Variants in WDR59 observed in about 807,000 individuals in gnomAD.
WDR59 encodes the protein GATOR2 complex protein WDR59.
A neutral mutation model predicts 131.2 loss-of-function variants in WDR59; 100 were observed. The observed-to-expected ratio is 0.76, with a 90% CI of 0.65 to 0.90. WDR59 has a LOEUF of 0.90. Ranked by LOEUF, WDR59 falls within the 40% of genes least tolerant of loss-of-function variation. The probability of loss-of-function intolerance (pLI) is 0.00; values close to 1 mark genes in which losing one functional copy is unlikely to be tolerated. For missense variants in WDR59, 1,203 were observed against 1,262.2 expected (o/e 0.95, Z 0.71); for synonymous variants, 601 against 466.2 (o/e 1.29, Z -3.72).
chr16:74,971,897 T>TG (rs1373722418), intron 1 of WDR59, among the ~76,000 whole-genome samples: 4 of 151,930 alleles, frequency 2.6e-5, no homozygotes, highest in Admixed American at 1.3e-4. Flanking sequence ...TGTGTAGAGA[T>TG]GGGGGGTCGC....
At chr16:74,924,040 T>C (rs370874562) in intron 8 of WDR59, 37 bp from the exon 9 acceptor site, 18 of 1,599,864 alleles carry the variant, frequency 1.1e-5, no homozygotes, top group Non-Finnish European at 1.5e-5. Context: ...GTGAAATAAA[T>C]GCCATTAAAA....
intron 8 of WDR59, among the ~76,000 whole-genome samples, chr16:74,934,012 G>A (rs1323651296): frequency 6.6e-6 from 1 of 152,048 alleles, no homozygotes; most frequent in African/African-American, 2.4e-5. Context: ...ATGGCCACAG[G>A]GTAAACTATA....
chr16:74,899,448 T>C (rs1408221861), intron 18 of WDR59, among the ~76,000 whole-genome samples: 1 of 152,202 alleles, frequency 6.6e-6, no homozygotes, highest in Non-Finnish European at 1.5e-5. Context: ...AAACCCAGCA[T>C]TAACTTTCCT....
At chr16:74,945,080 T>A (rs2032516548) in intron 6 of WDR59, among the ~76,000 whole-genome samples, 1 of 151,170 alleles carries the variant, frequency 6.6e-6, no homozygotes, top group South Asian at 2.1e-4. Context: ...GCCAAGATCG[T>A]GTCACCGCAC....
chr16:74,981,658 A>ATTTTTTTTTTTTTTTTT (rs2034430352), intron 1 of WDR59, among the ~76,000 whole-genome samples: 1 of 75,522 alleles, frequency 1.3e-5, no homozygotes, highest in African/African-American at 8.1e-5. Flanking sequence ...ATATATATAT[A>ATTTTTTTTTTTTTTTTT]TATTTTTTTT....
chr16:74,973,740 AAATT>A (rs1303100784), intron 1 of WDR59, among the ~76,000 whole-genome samples: 5 of 152,224 alleles, frequency 3.3e-5, no homozygotes, highest in Admixed American at 2.0e-4. Flanking sequence ...GTAAAATTAA[AAATT>A]AATTAATTCG....
At chr16:74,966,756 T>C (rs894192149) in intron 1 of WDR59, among the ~76,000 whole-genome samples, 1 of 152,176 alleles carries the variant, frequency 6.6e-6, no homozygotes, top group Non-Finnish European at 1.5e-5. Flanking sequence ...CCAGGTCACA[T>C]TCGCTCTGAA....
At chr16:74,965,952 C>G (rs1348323668) in intron 1 of WDR59, 130 bp from the exon 2 acceptor site, 12 of 823,976 alleles carry the variant, frequency 1.5e-5, no homozygotes, top group South Asian at 1.3e-4. Context: ...TAGTTCTCTA[C>G]AGTGGATGCT....
chr16:74,909,342 C>T (rs562111651), intron 16 of WDR59, among the ~76,000 whole-genome samples, 159 bp downstream of exon 16: 13 of 152,252 alleles, frequency 8.5e-5, no homozygotes, highest in African/African-American at 2.9e-4. Context: ...TCCACAGACA[C>T]CGACTGGGCC....
chr16:74,882,754 G>A (rs1964550355), intron 25 of WDR59, among the ~76,000 whole-genome samples: 1 of 132,908 alleles, frequency 7.5e-6, no homozygotes, highest in Non-Finnish European at 1.6e-5. Context: ...AGGTTGCAGT[G>A]AGCCGAGATC....
chr16:74,909,105 C>G (rs1677834781), intron 16 of WDR59, 128 bp from the exon 17 acceptor site: 1 of 791,796 alleles, frequency 1.3e-6, no homozygotes, highest in Admixed American at 2.2e-5. Context: ...TCATAAGCTG[C>G]AAGACTCCTG....
chr16:74,883,217 G>A (rs1964595867), intron 25 of WDR59, among the ~76,000 whole-genome samples: 1 of 151,760 alleles, frequency 6.6e-6, no homozygotes, highest in African/African-American at 2.4e-5. Flanking sequence ...TAGAGATGGG[G>A]TTTCACCATG....
chr16:74,977,872 A>C (rs1177439485), intron 1 of WDR59, among the ~76,000 whole-genome samples: 1 of 152,188 alleles, frequency 6.6e-6, no homozygotes, highest in Admixed American at 6.6e-5. Flanking sequence ...GCACTAACAG[A>C]TAGGCTCAAC....
Position 74,874,330 on chromosome 16 carries a change from G to A in WDR59, c.2804C>T (p.Ser935Phe). 6.2e-7 allele frequency: 1 copy of A among 1,614,178 alleles called. No individual in the cohort carries two copies. The highest frequency in any genetic ancestry group is 8.5e-7 in the Non-Finnish European group (1 of 1,180,044). ...GTGCCCACAGGTCAGGCAGAAATTG[G>A]ACGATCCCCGCACAGCCACGTGACA... ...AICHVAVRGS[S>F]NFCLTCGHGG... Residue 935 changes from serine to phenylalanine, a missense_variant, in exon 26 of 26, where the codon TCC becomes TTC. Transcript: ENST00000262144.
chr16:74,945,513 T>C (rs1349371174), intron 6 of WDR59, among the ~76,000 whole-genome samples: 3 of 151,712 alleles, frequency 2.0e-5, no homozygotes, highest in Non-Finnish European at 4.4e-5. Context: ...TAAATGTAAG[T>C]AACAAAGTCA....
At chr16:74,914,063 T>A (rs1279102016) in intron 13 of WDR59, among the ~76,000 whole-genome samples, 1 of 151,892 alleles carries the variant, frequency 6.6e-6, no homozygotes, top group Admixed American at 6.6e-5. Context: ...CGAAAAAAAA[T>A]TAGCTGAGCG....
chr16:74,965,388 AG>A (rs1195243498), intron 2 of WDR59, among the ~76,000 whole-genome samples: 2 of 152,200 alleles, frequency 1.3e-5, no homozygotes, highest in African/African-American at 4.8e-5. Flanking sequence ...ATAAATGTCC[AG>A]GGGCTCACAG....
chr16:74,900,524 A>G (rs1965503437), intron 18 of WDR59, among the ~76,000 whole-genome samples: 1 of 152,248 alleles, frequency 6.6e-6, no homozygotes, highest in Admixed American at 6.5e-5. Context: ...AAATGTATGC[A>G]AGGCAATACC....
chr16:74,884,341 T>C (rs117001085), intron 25 of WDR59, among the ~76,000 whole-genome samples: 758 of 152,342 alleles, frequency 5.0e-3, no homozygotes, highest in Non-Finnish European at 8.6e-3. Flanking sequence ...TGGACTTGGA[T>C]ACAATTGAAA....
Sources: gnomAD v4.1 joint callset for allele counts (sites outside exome capture counted in the v4.1 genomes callset) on GRCh38, gnomAD v4.1.1 for gene constraint, MANE v1.5 for transcripts, NCBI Gene and HGNC (gene_info 2026-07-23, HGNC 2026-07-21) for gene names.